DPY19L4: variants seen among roughly 807,000 people sequenced by gnomAD.
DPY19L4 encodes the protein dpy-19 like 4.
Under a neutral mutation model 102.8 loss-of-function variants are expected in DPY19L4, and 97 were observed. The observed-to-expected ratio is 0.94, with a 90% CI of 0.80 to 1.12. DPY19L4 has a LOEUF of 1.12. DPY19L4 is among the 50% of genes most tolerant of loss of function. The pLI is 0.00. For synonymous variants in DPY19L4, 252 were observed against 283.1 expected, an observed-to-expected ratio of 0.89 and a Z score of 1.10; for missense variants, 815 against 850.4, an observed-to-expected ratio of 0.96 and a Z score of 0.52.
At chr8:94,740,978 C>G (rs938585602) in intron 6 of DPY19L4, among the ~76,000 whole-genome samples, 3 of 152,172 alleles carry the variant, frequency 2.0e-5, no homozygotes, top group South Asian at 4.1e-4. Flanking sequence ...CATAGTCCCC[C>G]TTTTTATGTT....
chr8:94,720,117 G>A (rs1810391763), intron 1 of DPY19L4, 103 bp downstream of exon 1: 1 of 1,401,470 alleles, frequency 7.1e-7, no homozygotes, highest in Non-Finnish European at 9.2e-7. Context: ...GGCCGCGGTC[G>A]CGGTGGCGGC....
At chr8:94,751,901 A>T (rs1811949568) in intron 6 of DPY19L4, among the ~76,000 whole-genome samples, 1 of 152,158 alleles carries the variant, frequency 6.6e-6, no homozygotes, top group Non-Finnish European at 1.5e-5. Context: ...TTTACTCAGC[A>T]TAATTTTGGT....
intron 14 of DPY19L4, 48 bp downstream of exon 14, chr8:94,777,834 A>G: frequency 1.3e-6 from 2 of 1,556,146 alleles, no homozygotes; most frequent in Non-Finnish European, 1.7e-6. Context: ...ATAAAATCAA[A>G]TGCTAATAAA....
chr8:94,720,095 G>A, intron 1 of DPY19L4, 81 bp downstream of exon 1: 1 of 1,462,290 alleles, frequency 6.8e-7, no homozygotes, highest in South Asian at 1.4e-5. Context: ...GGTCTGGGTT[G>A]GAGCTGCTGG....
In DPY19L4 at chr8:94,787,954, A is replaced by G; in HGVS notation, c.1909A>G (p.Lys637Glu). 5 of 1,515,698 alleles carry G rather than the reference A, an allele frequency of 3.3e-6. No individual in the cohort carries two copies. The highest frequency in any genetic ancestry group is 4.4e-6 in the Non-Finnish European group (5 of 1,131,268). The allele number at this position is 1,515,698 out of a possible 1,614,324, so 93.9% of individuals were successfully genotyped here. The change falls in exon 18 of 19, where the codon AAA becomes GAA. Residue 637 changes from lysine (K) to glutamate (E), a missense_variant. Physicochemically the swap from Lys to Glu is moderately conservative, Grantham distance 56. Coordinates refer to ENST00000414645, the MANE Select transcript of DPY19L4 (RefSeq NM_181787.3). ...TATTTATAAAATACTGACATCTTAC[A>G]AAGCTAATTACCTAATTGTAGAGGA... The part of the protein sequence containing the change: ...EDIYKILTSY[K>E]ANYLIVEDAI...
chr8:94,739,772 C>G lies in DPY19L4; in HGVS notation c.593C>G (p.Ala198Gly). The G allele has an allele frequency of 1.2e-6, 2 of 1,612,274 alleles. No homozygotes were observed. Among genetic ancestry groups the G allele is most frequent in the Non-Finnish European group, 8.5e-7 (1 of 1,179,978 alleles). The stretch of plus-strand genomic sequence containing the variant: ...TGGCTAGCAGGAATGCTTACTGTTG[C>G]GTGGTTCGTTATTAACAGGTAAGAA... ...GTWLAGMLTVAWFVINRVDTT... is the reference protein window; with the variant it reads ...GTWLAGMLTVGWFVINRVDTT... Residue 198 changes from alanine to glycine, a missense_variant, in exon 6 of 19, where the codon GCG (alanine) becomes GGG (glycine). Physicochemically the swap from Ala to Gly is moderately conservative, Grantham distance 60. Coordinates refer to ENST00000414645, the MANE Select transcript of DPY19L4 (RefSeq NM_181787.3).
intron 2 of DPY19L4, among the ~76,000 whole-genome samples, chr8:94,726,839 A>G (rs1810711843): frequency 6.6e-6 from 1 of 152,240 alleles, no homozygotes; most frequent in Non-Finnish European, 1.5e-5. Flanking sequence ...GATGTGAAGT[A>G]TACTTTGATT....
At chr8:94,734,253 G>T (rs958670224) in intron 2 of DPY19L4, among the ~76,000 whole-genome samples, 8 of 151,714 alleles carry the variant, frequency 5.3e-5, no homozygotes, top group South Asian at 4.2e-4. Flanking sequence ...CACCATGTTG[G>T]CCAGGCTGGT....
At chr8:94,720,550 T>A (rs1810413465) in intron 1 of DPY19L4, among the ~76,000 whole-genome samples, 1 of 152,058 alleles carries the variant, frequency 6.6e-6, no homozygotes, top group Non-Finnish European at 1.5e-5. Context: ...TTCACTTAGG[T>A]TCAGGGGAAA....
At chr8:94,785,313 T>C (rs1011630776) in intron 17 of DPY19L4, among the ~76,000 whole-genome samples, 1 of 152,170 alleles carries the variant, frequency 6.6e-6, no homozygotes, top group Admixed American at 6.5e-5. Context: ...CACATATACA[T>C]AGACACACAC....
intron 16 of DPY19L4, among the ~76,000 whole-genome samples, chr8:94,782,706 G>A (rs1234308847): frequency 1.3e-5 from 2 of 152,086 alleles, no homozygotes; most frequent in Admixed American, 1.3e-4. Context: ...AACAAGAATA[G>A]ATTTTATTAT....
At chr8:94,760,513 G>A (rs1328270264) in intron 7 of DPY19L4, among the ~76,000 whole-genome samples, 2 of 152,306 alleles carry the variant, frequency 1.3e-5, no homozygotes, top group African/African-American at 2.4e-5. Context: ...TCGGTTCTCT[G>A]GTCTTAATCT....
intron 2 of DPY19L4, among the ~76,000 whole-genome samples, chr8:94,728,783 A>G (rs1810804125): frequency 6.6e-6 from 1 of 152,226 alleles, no homozygotes; most frequent in Admixed American, 6.5e-5. Context: ...GCATTTGACT[A>G]CAGGAAAGAG....
chr8:94,742,840 G>A (rs1368858082), intron 6 of DPY19L4, among the ~76,000 whole-genome samples: 1 of 151,770 alleles, frequency 6.6e-6, no homozygotes, highest in Admixed American at 6.6e-5. Flanking sequence ...TTATAGGTGT[G>A]AGCCACCGCG....
At chr8:94,771,479 G>A (rs1228163508) in intron 13 of DPY19L4, among the ~76,000 whole-genome samples, 1 of 152,164 alleles carries the variant, frequency 6.6e-6, no homozygotes, top group Non-Finnish European at 1.5e-5. Context: ...TTAACTTATG[G>A]CCTAATGGAG....
chr8:94,764,827 TAA>T (rs2130886250), intron 8 of DPY19L4, among the ~76,000 whole-genome samples: 1 of 143,884 alleles, frequency 7.0e-6, no homozygotes, highest in African/African-American at 2.6e-5. Flanking sequence ...CCTACTGAGT[TAA>T]GCGATTCTCA....
At chr8:94,781,335 C>T (rs954220030) in intron 16 of DPY19L4, among the ~76,000 whole-genome samples, 169 bp downstream of exon 16, 5 of 152,030 alleles carry the variant, frequency 3.3e-5, no homozygotes, top group Admixed American at 2.6e-4. Context: ...ACTAATTTTC[C>T]GCTCATCTCC....
intron 6 of DPY19L4, chr8:94,744,629 T>C: frequency 2.2e-6 from 1 of 452,244 alleles, no homozygotes; most frequent in Non-Finnish European, 4.4e-6. Context: ...ATATCTGTCT[T>C]CATATTTGAA....
intron 6 of DPY19L4, among the ~76,000 whole-genome samples, chr8:94,739,994 C>T (rs898378462): frequency 1.3e-5 from 2 of 152,144 alleles, no homozygotes; most frequent in African/African-American, 4.8e-5. Context: ...GGTCTAATCA[C>T]GTGAGCCCTT....
Sources: allele counts gnomAD v4.1 joint callset (sites outside exome capture counted in the v4.1 genomes callset), GRCh38; gene constraint gnomAD v4.1.1; transcripts MANE v1.5; gene names NCBI Gene and HGNC (gene_info 2026-07-23, HGNC 2026-07-21).